ALKBH3: variants seen among roughly 807,000 people sequenced by gnomAD.
The protein encoded by ALKBH3 is alpha-ketoglutarate-dependent dioxygenase alkB homolog 3.
A neutral mutation model predicts 43.9 loss-of-function variants in ALKBH3; 51 were observed. The observed-to-expected ratio is 1.16, with a 90% CI of 0.93 to 1.47. ALKBH3 has a LOEUF of 1.47. Ranked by LOEUF, ALKBH3 falls within the 40% of genes most tolerant of loss-of-function variation. The pLI, the probability that ALKBH3 is intolerant of heterozygous loss-of-function variation, is 0.00. For missense variants in ALKBH3, 361 were observed against 351.9 expected (o/e 1.03, Z -0.21); for synonymous variants, 102 against 115.2 (o/e 0.89, Z 0.73).
chr11:43,898,556 G>C (rs1176077271), intron 7 of ALKBH3: 1 of 773,228 alleles, frequency 1.3e-6, no homozygotes, highest in Non-Finnish European at 2.4e-6. Flanking sequence ...GAAGAGCTAA[G>C]GCGATGTGAA....
In ALKBH3 at chr11:43,882,581, A is replaced by G. The variant is rs1303077896; in HGVS notation, c.-70-2A>G. ...ACTGTTTTGTTTTGTTTTAATAAAC[A>G]GATACCATGGAGTAGTTTGAAACAG... is the stretch of plus-strand genomic sequence containing the variant. On this transcript the variant is annotated splice_acceptor_variant, in intron 1 of 9. Transcript: ENST00000302708. LOFTEE classifies it low-confidence loss of function (5UTR_SPLICE). 3 of 1,390,268 alleles carry G rather than the reference A, an allele frequency of 2.2e-6. No homozygotes were observed. Among genetic ancestry groups the G allele is most frequent in the Non-Finnish European group, 3.0e-6 (3 of 1,009,578 alleles). The allele number at this position is 1,390,268 out of a possible 1,614,324, so 86.1% of individuals were successfully genotyped here. A position where few individuals can be genotyped will look rare whatever the true frequency, so the allele number is the denominator to read the frequency against.
chr11:43,901,549 A>G lies in ALKBH3; in HGVS notation c.493A>G (p.Ile165Val), dbSNP rs1240676119. 5.0e-6 allele frequency: 8 copies of G among 1,614,016 alleles called. No individual in the cohort carries two copies. In the Admixed American group the frequency reaches 6.7e-5, roughly 13 times the overall value. ...TGTGCTGCGCACACTAAAGAACCGC[A>G]TTGAAGAGAACACTGGCCACACCTT... ...HPVLRTLKNRIEENTGHTFNS... is the reference protein window; with the variant it reads ...HPVLRTLKNRVEENTGHTFNS... Residue 165 changes from isoleucine (I) to valine (V), a missense_variant, in exon 8 of 10, where the codon ATT becomes GTT. Physicochemically the swap from Ile to Val is conservative, Grantham distance 29 (BLOSUM62 3). Transcript: ENST00000302708.
chr11:43,901,786 ACTC>A, intron 8 of ALKBH3, 61 bp downstream of exon 8: 2 of 1,572,120 alleles, frequency 1.3e-6, no homozygotes, highest in Non-Finnish European at 8.7e-7. Flanking sequence ...AAAAAGTAGA[ACTC>A]CTAAAAGCTT....
In ALKBH3 at chr11:43,899,409, A is replaced by G. The variant is rs1041151040; in HGVS notation, c.460-2107A>G. 43 of 706,932 alleles carry G rather than the reference A, an allele frequency of 6.1e-5. 1 individual carries two copies. Among genetic ancestry groups the G allele is most frequent in the Middle Eastern group, 2.6e-4 (1 of 3,892 alleles). The allele number at this position is 706,932 out of a possible 1,614,324, so 43.8% of individuals were successfully genotyped here. ...GCGTCCCTGCAGATCTCTTCGCACAACTGTAAAGTGATGTACTACGCCAAA... is the reference window on the plus strand; with the variant it reads ...GCGTCCCTGCAGATCTCTTCGCACAGCTGTAAAGTGATGTACTACGCCAAA... On this transcript the variant is annotated intron_variant, in intron 7 of 9. Transcript: ENST00000302708.
chr11:43,882,604 C>A lies in ALKBH3; in HGVS notation c.-49C>A. The stretch of plus-strand genomic sequence containing the variant: ...ACAGATACCATGGAGTAGTTTGAAA[C>A]AGGAACAAAATCTTCTGAAAGCTCG... On this transcript the variant is annotated 5_prime_UTR_variant, in exon 2 of 10. Coordinates refer to ENST00000302708, the MANE Select transcript of ALKBH3 (RefSeq NM_139178.4). The A allele has an allele frequency of 6.4e-7, 1 of 1,562,644 alleles. No homozygotes were observed.
intron 6 of ALKBH3, 139 bp from the exon 7 acceptor site, chr11:43,891,902 G>T: frequency 3.1e-6 from 2 of 646,426 alleles, no homozygotes; most frequent in Non-Finnish European, 5.4e-6. Context: ...CTTCTGTGAA[G>T]GTGGAACTTT....
At chr11:43,894,832 T>A (rs7129304) in intron 7 of ALKBH3, among the ~76,000 whole-genome samples, 36,277 of 152,170 alleles carry the variant, frequency 0.24, 4,833 homozygotes, top group Admixed American at 0.4. Context: ...AACAAAGGTT[T>A]ATTTAATATT....
chr11:43,901,792 A>G (rs999313748), intron 8 of ALKBH3, 67 bp downstream of exon 8: 4 of 1,537,534 alleles, frequency 2.6e-6, no homozygotes, highest in Non-Finnish European at 3.6e-6. Context: ...TAGAACTCCT[A>G]AAAGCTTCTA....
At chr11:43,904,245 G>C (rs773789359) in intron 8 of ALKBH3, among the ~76,000 whole-genome samples, 3 of 152,192 alleles carry the variant, frequency 2.0e-5, no homozygotes, top group Admixed American at 2.0e-4. Context: ...TTAAAATACT[G>C]ATCCAATAAG....
intron 8 of ALKBH3, among the ~76,000 whole-genome samples, chr11:43,906,021 C>T (rs1951893691): frequency 6.6e-6 from 1 of 152,176 alleles, no homozygotes; most frequent in South Asian, 2.1e-4. Context: ...GTTTTTCTAG[C>T]AAATTACCTC....
At chr11:43,903,567 A>G (rs1951877099) in intron 8 of ALKBH3, among the ~76,000 whole-genome samples, 1 of 152,152 alleles carries the variant, frequency 6.6e-6, no homozygotes, top group African/African-American at 2.4e-5. Flanking sequence ...ATATGCTAGC[A>G]CTGCGCCTTC....
intron 6 of ALKBH3, among the ~76,000 whole-genome samples, chr11:43,890,365 C>T (rs1026332912): frequency 7.9e-5 from 12 of 152,126 alleles, no homozygotes; most frequent in African/African-American, 1.4e-4. Flanking sequence ...TGAATCTCTG[C>T]GGGCATCCAC....
intron 9 of ALKBH3, 61 bp downstream of exon 9, chr11:43,919,197 G>A: frequency 7.1e-7 from 1 of 1,398,748 alleles, no homozygotes; most frequent in Non-Finnish European, 1.0e-6. Context: ...TGACTCTGAG[G>A]ACTATTTCTA....
intron 8 of ALKBH3, among the ~76,000 whole-genome samples, chr11:43,908,273 C>T (rs868499985): frequency 6.6e-6 from 1 of 152,176 alleles, no homozygotes; most frequent in Non-Finnish European, 1.5e-5. Flanking sequence ...TGAGTTTGCT[C>T]ATCTTTGAAT....
At chr11:43,908,767 T>TATTTCATTCAATTTCATTGAC (rs1169420882) in intron 8 of ALKBH3, among the ~76,000 whole-genome samples, 7 of 152,238 alleles carry the variant, frequency 4.6e-5, no homozygotes, top group African/African-American at 1.7e-4. Flanking sequence ...TGTCAGCAGG[T>TATTTCATTCAATTTCATTGAC]ATTTCATTCA....
At position 43,882,733 on chromosome 11, in the gene ALKBH3, C is replaced by G. The variant is rs748441294; in HGVS notation, c.79+2C>G. 47 of 1,610,470 alleles carry G rather than the reference C, an allele frequency of 2.9e-5. 1 individual carries two copies. The East Asian group carries it at 1.0e-3, about 34-fold the overall frequency. ...AAAGCCAGGCCATTGCTCAGCCAGG[C>G]AAGAATCTGTAGGGATTTTGTGTGT... On this transcript the variant is annotated splice_donor_variant, in intron 2 of 9. Coordinates refer to ENST00000302708, the MANE Select transcript of ALKBH3 (RefSeq NM_139178.4). LOFTEE classifies it high-confidence loss of function.
intron 8 of ALKBH3, 108 bp from the exon 9 acceptor site, chr11:43,918,930 C>A: frequency 1.2e-6 from 1 of 822,532 alleles, no homozygotes; most frequent in Non-Finnish European, 2.0e-6. Flanking sequence ...TATGGATTCC[C>A]ACAGTCTGGC....
chr11:43,883,050 C>G (rs1470642451), intron 2 of ALKBH3, 35 bp from the exon 3 acceptor site: 3 of 1,566,838 alleles, frequency 1.9e-6, no homozygotes, highest in Non-Finnish European at 2.6e-6. Flanking sequence ...AACAGACTTT[C>G]CCCTGGTTTG....
At chr11:43,917,603 G>T (rs944143186) in intron 8 of ALKBH3, among the ~76,000 whole-genome samples, 1 of 152,118 alleles carries the variant, frequency 6.6e-6, no homozygotes, top group Non-Finnish European at 1.5e-5. Context: ...ACTCCCTCCG[G>T]ATATCTTTTC....
Sources: allele counts gnomAD v4.1 joint callset (sites outside exome capture counted in the v4.1 genomes callset), GRCh38; gene constraint gnomAD v4.1.1; transcripts MANE v1.5; gene names NCBI Gene and HGNC (gene_info 2026-07-23, HGNC 2026-07-21).